WRN: variants seen among roughly 807,000 people sequenced by gnomAD.
The protein encoded by WRN is WRN RecQ like helicase, also known as bifunctional 3'-5' exonuclease/ATP-dependent helicase WRN.
In WRN, 149 loss-of-function variants were observed where a neutral mutation model predicts 180.7. That is an observed-to-expected ratio of 0.82 (90% confidence interval 0.72 to 0.94). The LOEUF is 0.94. Among genes scored for constraint, WRN ranks in the 40% least tolerant of loss-of-function variants. WRN has a pLI of 0.00. For synonymous variants in WRN, 548 were observed against 568.9 expected (o/e 0.96, Z 0.52); for missense variants, 1,661 against 1,700.1 (o/e 0.98, Z 0.40).
chr8:31,089,150 CAAATTGTTTTTAT>C (rs1282623616), intron 13 of WRN, among the ~76,000 whole-genome samples, 185 bp downstream of exon 13: 1 of 152,072 alleles, frequency 6.6e-6, no homozygotes, highest in Non-Finnish European at 1.5e-5. Flanking sequence ...TTCATTTCTG[CAAATTGTTTTTAT>C]AAGTGAGGAA....
At chr8:31,101,787 CAA>C (rs60342321) in intron 18 of WRN, among the ~76,000 whole-genome samples, 122 of 42,050 alleles carry the variant, frequency 2.9e-3, no homozygotes, top group African/African-American at 3.7e-3. Context: ...AACTCTGTCT[CAA>C]AAAAAAAAAA....
intron 8 of WRN, among the ~76,000 whole-genome samples, chr8:31,077,344 C>T (rs1373525057): frequency 1.3e-5 from 2 of 152,050 alleles, no homozygotes; most frequent in Non-Finnish European, 2.9e-5. Context: ...GGGTTCACAC[C>T]ATTATCCTGC....
intron 34 of WRN, among the ~76,000 whole-genome samples, chr8:31,167,752 C>T (rs1026369497): frequency 2.0e-5 from 3 of 151,896 alleles, no homozygotes; most frequent in Non-Finnish European, 2.9e-5. Context: ...TTAGATGGTA[C>T]GTTTTATTAA....
Position 31,090,947 on chromosome 8 carries a change from G to A in WRN, c.1829+5G>A, listed in dbSNP as rs751015040. The A allele has an allele frequency of 5.0e-6, 8 of 1,601,918 alleles. No individual in the cohort carries two copies. The highest frequency in any genetic ancestry group is 6.8e-6 in the Non-Finnish European group (8 of 1,169,504). On this transcript the variant is annotated splice_donor_5th_base_variant and intron_variant, in intron 15 of 34. Coordinates refer to ENST00000298139, the MANE Select transcript of WRN (RefSeq NM_000553.6). ...AGACCAAGTGCTACAGCTTAAGTAA[G>A]TCATGTTATCATTGCCACAATATCA... is the stretch of plus-strand genomic sequence containing the variant.
Position 31,058,484 on chromosome 8 carries a change from C to T in WRN, c.37C>T (p.Arg13Trp), listed in dbSNP as rs373503267. ...EKKLETTAQQ[R>W]KCPEWMNVQN... ...AAAATTGGAAACAACTGCACAGCAG[C>T]GGAAATGTCCTGAATGGATGAATGT... Residue 13 changes from arginine (R) to tryptophan (W), a missense_variant, in exon 2 of 35, where the codon CGG (arginine) becomes TGG (tryptophan). Arg to Trp is a moderately radical substitution (Grantham distance 101). Around this residue, in one of 3 missense-constraint regions of WRN, gnomAD observed 500 missense variants for 504.1 expected, o/e 0.99. Transcript: ENST00000298139. 1.9e-5 allele frequency: 31 copies of T among 1,613,562 alleles called. No homozygotes were observed. Among genetic ancestry groups the T allele is most frequent in the Middle Eastern group, 1.6e-4 (1 of 6,074 alleles).
intron 31 of WRN, among the ~76,000 whole-genome samples, chr8:31,150,906 C>T (rs982531288): frequency 6.6e-6 from 1 of 152,164 alleles, no homozygotes; most frequent in African/African-American, 2.4e-5. Flanking sequence ...TCATATTATT[C>T]TCTTCAGTTT....
At position 31,120,404 on chromosome 8, in the gene WRN, T is replaced by C. The variant is rs199976474; in HGVS notation, c.2610T>C (p.Pro870=). 21 of 1,612,604 alleles carry C rather than the reference T, an allele frequency of 1.3e-5. No homozygotes were observed. The highest frequency in any genetic ancestry group is 1.8e-5 in the Non-Finnish European group (21 of 1,178,990). ...LQSSCHVLWA[P]ADINLNRHLL... ...GTTCTTGTCACGTCCTCTGGGCTCC[T>C]GCAGACATTAACTTAAATAGGTAAA... Residue 870 remains proline, a synonymous_variant, in exon 21 of 35, where the codon CCT becomes CCC. Transcript: ENST00000298139.
intron 7 of WRN, among the ~76,000 whole-genome samples, chr8:31,074,077 C>T (rs879813957): frequency 3.3e-5 from 5 of 151,312 alleles, no homozygotes; most frequent in South Asian, 4.2e-4. Context: ...CCACCATGCC[C>T]GGCTAATTTT....
At chr8:31,157,583 G>A in intron 33 of WRN, 53 bp downstream of exon 33, 2 of 1,604,956 alleles carry the variant, frequency 1.2e-6, no homozygotes, top group Admixed American at 3.4e-5. Flanking sequence ...AAGTAAACAA[G>A]CAATCCACTA....
chr8:31,165,277 C>T (rs1375009038), intron 33 of WRN, among the ~76,000 whole-genome samples: 1 of 151,856 alleles, frequency 6.6e-6, no homozygotes, highest in African/African-American at 2.4e-5. Context: ...ATTAATCATA[C>T]ATAGTTTATT....
At position 31,173,004 on chromosome 8, in the gene WRN, G is replaced by A. The variant is rs1804160219; in HGVS notation, c.4201G>A (p.Ala1401Thr). The A allele has an allele frequency of 6.2e-7, 1 of 1,613,672 alleles. No homozygotes were observed. Among genetic ancestry groups the A allele is most frequent in the Non-Finnish European group, 8.5e-7 (1 of 1,179,886 alleles). ...EVGINTETSS[A>T]ERKRRLPVWF... is the part of the protein sequence containing the mutation. ...TTTCTATTTCCTACAGACTTCATCT[G>A]CAGAGAGAAAGAGACGATTACCTGT... The change falls in exon 35 of 35, where the codon GCA becomes ACA. Residue 1401 changes from alanine (A) to threonine (T), a missense_variant. Physicochemically the swap from Ala to Thr is moderately conservative, Grantham distance 58. Around this residue, in one of 3 missense-constraint regions of WRN, gnomAD observed 1,141 missense variants for 1,149.4 expected, o/e 0.99. Coordinates refer to ENST00000298139, the MANE Select transcript of WRN (RefSeq NM_000553.6).
chr8:31,137,213 C>G (rs1802434644), intron 24 of WRN, among the ~76,000 whole-genome samples: 1 of 151,958 alleles, frequency 6.6e-6, no homozygotes, highest in Non-Finnish European at 1.5e-5. Flanking sequence ...TAAATTTATT[C>G]AAATAGTACA....
intron 16 of WRN, among the ~76,000 whole-genome samples, chr8:31,094,714 GA>G (rs1733441648): frequency 6.6e-6 from 1 of 152,048 alleles, no homozygotes; most frequent in South Asian, 2.1e-4. Flanking sequence ...GCCTATTCTG[GA>G]TGTTTCTATA....
Position 31,094,547 on chromosome 8 carries a change from A to C in WRN, c.1899-2221A>C, listed in dbSNP as rs567899152. Among the ~76,000 whole-genome samples the C allele has an allele frequency of 6.6e-5, 10 of 151,938 alleles. No homozygotes were observed. In the South Asian group the frequency reaches 2.1e-3, roughly 32 times the overall value. The stretch of plus-strand genomic sequence containing the variant: ...TTTTGAGTGGAGATGAGATTTTGCT[A>C]TGTTGCCCAGGTTGCTCTCAAACTC... On this transcript the variant is annotated intron_variant, in intron 16 of 34. Coordinates refer to ENST00000298139, the MANE Select transcript of WRN (RefSeq NM_000553.6).
chr8:31,097,894 T>G (rs939078919), intron 17 of WRN, among the ~76,000 whole-genome samples: 17 of 152,188 alleles, frequency 1.1e-4, no homozygotes, highest in African/African-American at 4.1e-4. Context: ...CCAAATTTAA[T>G]TTTTCAATAT....
At chr8:31,062,588 T>A (rs192306368) in intron 3 of WRN, among the ~76,000 whole-genome samples, 2,200 of 151,596 alleles carry the variant, frequency 0.015, 49 homozygotes, top group African/African-American at 0.051. Flanking sequence ...ATATATATAT[T>A]TTTTTATAGA....
intron 31 of WRN, 69 bp from the exon 32 acceptor site, chr8:31,154,555 T>G: frequency 6.6e-7 from 1 of 1,508,256 alleles, no homozygotes; most frequent in Non-Finnish European, 9.0e-7. Flanking sequence ...TAATGGCTAA[T>G]TATCATACAT....
intron 17 of WRN, among the ~76,000 whole-genome samples, chr8:31,098,018 T>C (rs192425691): frequency 5.4e-4 from 82 of 152,324 alleles, no homozygotes; most frequent in Non-Finnish European, 6.3e-4. Context: ...AAGCATTTGA[T>C]AATTTTTCCA....
intron 24 of WRN, among the ~76,000 whole-genome samples, chr8:31,140,003 G>GTTTTTTTTTTTTTTTTTTTTTTTTT (rs71539917): frequency 1.6e-5 from 1 of 62,086 alleles, no homozygotes; most frequent in Non-Finnish European, 2.9e-5. Flanking sequence ...ATACTTCTTT[G>GTTTTTTTTTTTTTTTTTTTTTTTTT]TTTTTTTTTT....
Sources: gnomAD v4.1 joint callset for allele counts (sites outside exome capture counted in the v4.1 genomes callset) on GRCh38, gnomAD v4.1.1 for gene constraint, gnomAD v4.1.1 regional missense constraint, MANE v1.5 for transcripts, NCBI Gene and HGNC (gene_info 2026-07-23, HGNC 2026-07-21) for gene names.